Variants in COL16A1 observed in about 807,000 individuals in gnomAD.
The protein encoded by COL16A1 is collagen alpha-1(XVI) chain.
COL16A1 carries 189 observed loss-of-function variants against 266.3 expected under a neutral mutation model. The ratio of observed to expected loss-of-function variants is 0.71; its 90% CI spans 0.63 to 0.80. The LOEUF is 0.80. Ranked by LOEUF, COL16A1 falls within the 30% of genes least tolerant of loss-of-function variation. The pLI, the probability that COL16A1 is intolerant of heterozygous loss-of-function variation, is 0.00. For synonymous variants in COL16A1, 740 were observed against 782.3 expected, an observed-to-expected ratio of 0.95 and a Z score of 0.90; for missense variants, 1,928 against 2,122.4, an observed-to-expected ratio of 0.91 and a Z score of 1.80.
chr1:31,662,691 C>CCCCAAAAAAAA, intron 56 of COL16A1, 33 bp from the exon 57 acceptor site: 1 of 1,190,308 alleles, frequency 8.4e-7, no homozygotes, highest in African/African-American at 1.5e-5. Context: ...CCCCCCGCCC[C>CCCCAAAAAAAA]ACAATAAAGT....
intron 42 of COL16A1, chr1:31,679,362 G>C: frequency 6.7e-7 from 1 of 1,481,922 alleles, no homozygotes; most frequent in Non-Finnish European, 9.0e-7. Flanking sequence ...CTGTACCAGG[G>C]TAAGGGATTT....
In COL16A1 at chr1:31,652,874, G is replaced by C; in HGVS notation, c.4613-21C>G. On this transcript the variant is annotated intron_variant, in intron 70 of 70. Transcript: ENST00000373672. This position sits in a 1 kb window ranked among gnomAD's most constrained non-coding sequence, Gnocchi z 4.8. ...AGGACCTAGGGAGGGAAGGGCCACA[G>C]AGGGAAAATCAGAAGACCCAGATCA... 2.0e-6 allele frequency: 3 copies of C among 1,471,188 alleles called. No homozygotes were observed. Among genetic ancestry groups the C allele is most frequent in the Non-Finnish European group, 2.7e-6 (3 of 1,111,142 alleles). 91.1% of individuals were successfully genotyped at this position (1,471,188 alleles called of 1,614,324 possible).
chr1:31,665,726 C>T, intron 54 of COL16A1, 108 bp from the exon 55 acceptor site: 1 of 1,590,200 alleles, frequency 6.3e-7, no homozygotes, highest in Non-Finnish European at 8.6e-7. Context: ...ATGGGCTTTG[C>T]CCTCCCCTCT....
rs986566310 is a variant in COL16A1 at position 31,688,383 on chromosome 1, AC to A, written c.1803+83del. 2.1e-6 allele frequency: 3 copies of A among 1,429,588 alleles called. No homozygotes were observed. Among genetic ancestry groups the A allele is most frequent in the African/African-American group, 2.8e-5 (2 of 71,084 alleles). The allele number at this position is 1,429,588 out of a possible 1,614,324, so 88.6% of individuals were successfully genotyped here. A position where few individuals can be genotyped will look rare whatever the true frequency, so the allele number is the denominator to read the frequency against. ...ACCGTCTGAATCTCTTGTTTATATT[AC>A]CCTTATTCCCCGCCCGCACCACTCC... On this transcript the variant is annotated intron_variant, in intron 26 of 70. Coordinates refer to ENST00000373672, the MANE Select transcript of COL16A1 (RefSeq NM_001856.4). The surrounding 1 kb of genome is among the most constrained non-coding windows in gnomAD (Gnocchi z 4.9).
In COL16A1 at chr1:31,683,203, C is replaced by A. The variant is rs1367170802; in HGVS notation, c.2460G>T (p.Lys820Asn). ...GGAGGCAGAGGCTCACCTGGGCACC[C>A]TTCTCTCCAGTGGGGCCAGGTGGTC... Reference protein sequence around the residue: ...PRGPPGPTGEKGAQGSPGVKG... With the variant: ...PRGPPGPTGENGAQGSPGVKG... Residue 820 changes from lysine (K) to asparagine (N), a missense_variant, in exon 36 of 71, where the codon AAG becomes AAT. Transcript: ENST00000373672. 1 of 1,614,176 alleles carries A rather than the reference C, an allele frequency of 6.2e-7. No individual in the cohort carries two copies. The highest frequency in any genetic ancestry group is 1.7e-5 in the Admixed American group (1 of 60,030).
chr1:31,691,126 C>T (rs577484538), intron 20 of COL16A1, 62 bp downstream of exon 20: 5 of 1,579,252 alleles, frequency 3.2e-6, no homozygotes, highest in South Asian at 1.2e-5. Context: ...GCCCCGGCCC[C>T]TTCTCTCTCC....
At chr1:31,654,114 G>A in intron 68 of COL16A1, 71 bp from the exon 69 acceptor site, 1 of 1,542,018 alleles carries the variant, frequency 6.5e-7, no homozygotes, top group Non-Finnish European at 8.8e-7. Flanking sequence ...TGCAGATGCT[G>A]CATATAGGCC....
chr1:31,676,070 A>G lies in COL16A1; in HGVS notation c.2773-759T>C, dbSNP rs1259063671. On this transcript the variant is annotated intron_variant, in intron 42 of 70. Coordinates refer to ENST00000373672, the MANE Select transcript of COL16A1 (RefSeq NM_001856.4). ...CTGGGCACGGTCACTCACACCTGCA[A>G]TCGTAGCACTTTGGGAGGCCGAGGT... is the stretch of plus-strand genomic sequence containing the variant. Among the ~76,000 whole-genome samples, 5 of 152,016 alleles carry G rather than the reference A, an allele frequency of 3.3e-5. No individual in the cohort carries two copies. The South Asian group carries it at 1.0e-3, about 32-fold the overall frequency.
chr1:31,696,136 AT>A lies in COL16A1; in HGVS notation c.869del (p.Asp290ValfsTer4), dbSNP rs758783519. The A allele has an allele frequency of 6.3e-7, 1 of 1,596,684 alleles. No homozygotes were observed. Among genetic ancestry groups the A allele is most frequent in the South Asian group, 1.1e-5 (1 of 90,704 alleles). On this transcript the variant is annotated frameshift_variant, in exon 9 of 71. Transcript: ENST00000373672. LOFTEE classifies it high-confidence loss of function. ...CLEEPQNSEV[D>X]AQLTGRISQK... ...GGCTGATTCTTCCCGTCAGCTGGGC[AT>A]CCACCTGGGCAGACAGAGCAAAGAG...
intron 42 of COL16A1, among the ~76,000 whole-genome samples, chr1:31,678,448 C>T (rs1027238047): frequency 3.3e-5 from 5 of 152,070 alleles, no homozygotes; most frequent in Non-Finnish European, 5.9e-5. Context: ...ATGGGGAAGC[C>T]CCAGTCTAGC....
rs555821121 is a variant in COL16A1, at chr1:31,698,771, A to G, written c.267-165T>C. Among the ~76,000 whole-genome samples the G allele has an allele frequency of 6.6e-6, 1 of 152,068 alleles. No homozygotes were observed. Among genetic ancestry groups the G allele is most frequent in the Non-Finnish European group, 1.5e-5 (1 of 68,016 alleles). On this transcript the variant is annotated intron_variant, in intron 4 of 70. Coordinates refer to ENST00000373672, the MANE Select transcript of COL16A1 (RefSeq NM_001856.4). The surrounding 1 kb of genome is among the most constrained non-coding windows in gnomAD (Gnocchi z 4.1). Reference sequence around the variant, plus strand: ...ATACCTTTACTGAGTGCCTTCCGCGAGCTAGGTGCGGGTCTGGCTGCTGGG... The same window carrying G: ...ATACCTTTACTGAGTGCCTTCCGCGGGCTAGGTGCGGGTCTGGCTGCTGGG...
chr1:31,663,916 T>C lies in COL16A1; in HGVS notation c.3555+1256A>G, dbSNP rs936608218. On this transcript the variant is annotated intron_variant, in intron 56 of 70. Transcript: ENST00000373672. This position sits in a 1 kb window ranked among gnomAD's most constrained non-coding sequence, Gnocchi z 4.9. ...CCCAGTGTGGAGAGGGTGGCTGCCC[T>C]GGATCAGTGGCTGTAGGGTGGTCAA... is the stretch of plus-strand genomic sequence containing the variant. Among the ~76,000 whole-genome samples the C allele has an allele frequency of 2.0e-5, 3 of 152,032 alleles. No homozygotes were observed. The highest frequency in any genetic ancestry group is 7.3e-5 in the African/African-American group (3 of 41,378).
chr1:31,683,091 G>T, intron 36 of COL16A1, 89 bp from the exon 37 acceptor site: 1 of 1,608,530 alleles, frequency 6.2e-7, no homozygotes, highest in Non-Finnish European at 8.5e-7. Flanking sequence ...CAGATCTTAG[G>T]CAGCCCTCTG....
intron 20 of COL16A1, 22 bp downstream of exon 20, chr1:31,691,166 C>A: frequency 1.2e-6 from 2 of 1,612,196 alleles, no homozygotes; most frequent in Non-Finnish European, 8.5e-7. Context: ...CCCCACGTGA[C>A]CACACTCCCA....
intron 62 of COL16A1, chr1:31,659,723 CAG>C (rs1466186761): frequency 6.6e-6 from 1 of 152,258 alleles, no homozygotes; most frequent in Non-Finnish European, 1.5e-5. Context: ...GTGTCCAGCA[CAG>C]AGACTGCCAC....
rs751055074 is a variant in COL16A1 at position 31,697,325 on chromosome 1, T to C, written c.658-25A>G. The C allele has an allele frequency of 3.2e-6, 5 of 1,582,786 alleles. No homozygotes were observed. The South Asian group carries it at 5.7e-5, about 18-fold the overall frequency. On this transcript the variant is annotated intron_variant, in intron 6 of 70. Coordinates refer to ENST00000373672, the MANE Select transcript of COL16A1 (RefSeq NM_001856.4). This position sits in a 1 kb window ranked among gnomAD's most constrained non-coding sequence, Gnocchi z 4.2. ...ACTGCAGGAGACACACACATCAATT[T>C]CACTTCATTTTATCAAATAGCTCTG... is the stretch of plus-strand genomic sequence containing the variant.
At chr1:31,675,205 C>T in intron 43 of COL16A1, 53 bp downstream of exon 43, 2 of 1,613,908 alleles carry the variant, frequency 1.2e-6, no homozygotes, top group East Asian at 2.2e-5. Flanking sequence ...GCCTGAGCAG[C>T]CCTGGGAAGG....
intron 68 of COL16A1, 115 bp downstream of exon 68, chr1:31,654,677 G>T: frequency 6.3e-7 from 1 of 1,579,974 alleles, no homozygotes. Flanking sequence ...GTGAGTGTGT[G>T]GAGGGTGAGA....
At position 31,658,965 on chromosome 1, in the gene COL16A1, C is replaced by G; in HGVS notation, c.3880-1G>C. 6.4e-7 allele frequency: 1 copy of G among 1,553,690 alleles called. No individual in the cohort carries two copies. Among genetic ancestry groups the G allele is most frequent in the Non-Finnish European group, 8.7e-7 (1 of 1,148,132 alleles). On this transcript the variant is annotated splice_acceptor_variant, in intron 62 of 70. Coordinates refer to ENST00000373672, the MANE Select transcript of COL16A1 (RefSeq NM_001856.4). LOFTEE classifies it high-confidence loss of function. ...GCTGGCCTGGAGGCCCTGGTGGCCC[C>G]TAAAGAGAGATGAGTCAGTGGGATA...
Sources: gnomAD v4.1 joint callset for allele counts (sites outside exome capture counted in the v4.1 genomes callset) on GRCh38, gnomAD v4.1.1 for gene constraint, Gnocchi (gnomAD v3.1) non-coding constraint, MANE v1.5 for transcripts, NCBI Gene and HGNC (gene_info 2026-07-23, HGNC 2026-07-21) for gene names.